The following DNAJC25 variants were observed in gnomAD, a reference collection of about 807,000 sequenced individuals.
The protein encoded by DNAJC25 is DnaJ heat shock protein family (Hsp40) member C25.
Under a neutral mutation model 42.1 loss-of-function variants are expected in DNAJC25, and 26 were observed. That is an observed-to-expected ratio of 0.62 (90% confidence interval 0.45 to 0.86). The LOEUF (loss-of-function observed/expected upper bound fraction) is 0.86. DNAJC25 is among the 40% of genes least tolerant of loss of function. The probability of loss-of-function intolerance (pLI) is 0.00; values close to 1 mark genes in which losing one functional copy is unlikely to be tolerated. For missense variants in DNAJC25, 404 were observed against 459.4 expected, an observed-to-expected ratio of 0.88 and a Z score of 1.10; for synonymous variants, 189 against 179.9, an observed-to-expected ratio of 1.05 and a Z score of -0.40.
chr9:111,631,693 A>T lies in DNAJC25; in HGVS notation c.286A>T (p.Ser96Cys). 6.6e-7 allele frequency: 1 copy of T among 1,524,920 alleles called. No individual in the cohort carries two copies. The highest frequency in any genetic ancestry group is 1.2e-5 in the South Asian group (1 of 83,888). 94.5% of individuals were successfully genotyped at this position (1,524,920 alleles called of 1,614,324 possible). ...GDEGPGRTPQ[S>C]AEEAFLLVAT... ...CGAGGGCCCCGGGCGGACGCCGCAG[A>T]GCGCCGAGGAGGCTTTCCTGCTGGT... Residue 96 changes from serine (S) to cysteine (C), a missense_variant, in exon 1 of 4, where the codon AGC (serine) becomes TGC (cysteine). Coordinates refer to ENST00000313525, the MANE Select transcript of DNAJC25 (RefSeq NM_001015882.3).
chr9:111,640,185 C>A (rs1448622268), intron 1 of DNAJC25, among the ~76,000 whole-genome samples: 2 of 151,526 alleles, frequency 1.3e-5, no homozygotes, highest in Non-Finnish European at 3.0e-5. Context: ...ACCTCGGCCT[C>A]CCGAGGTGCC....
At chr9:111,642,614 T>TAAAA (rs1564085000) in intron 1 of DNAJC25, among the ~76,000 whole-genome samples, 9 of 84,400 alleles carry the variant, frequency 1.1e-4, no homozygotes, top group East Asian at 2.5e-4. Flanking sequence ...AATAAATAAA[T>TAAAA]AAATAAATAA....
intron 1 of DNAJC25, among the ~76,000 whole-genome samples, chr9:111,644,941 G>GGTAAT (rs1443236631): frequency 6.6e-6 from 1 of 151,986 alleles, no homozygotes; most frequent in Non-Finnish European, 1.5e-5. Flanking sequence ...TCTAGGTTAG[G>GGTAAT]AGCTCTGGAA....
In DNAJC25 at chr9:111,653,232, G is replaced by T. The variant is rs769083746; in HGVS notation, c.*10G>T. Reference sequence around the variant, plus strand: ...ATTTGTGGATGACTGAAGATTGATGGAATGCTACTATGCCAAACCTTAATT... The same window carrying T: ...ATTTGTGGATGACTGAAGATTGATGTAATGCTACTATGCCAAACCTTAATT... On this transcript the variant is annotated 3_prime_UTR_variant, in exon 4 of 4. Coordinates refer to ENST00000313525, the MANE Select transcript of DNAJC25 (RefSeq NM_001015882.3). 3 of 1,557,900 alleles carry T rather than the reference G, an allele frequency of 1.9e-6. No homozygotes were observed. In the South Asian group the frequency reaches 3.7e-5, roughly 19 times the overall value.
At chr9:111,639,325 G>C (rs1340708949) in intron 1 of DNAJC25, among the ~76,000 whole-genome samples, 1 of 152,224 alleles carries the variant, frequency 6.6e-6, no homozygotes, top group African/African-American at 2.4e-5. Context: ...GATGCTGATA[G>C]TATTAACTGA....
At chr9:111,641,685 T>G (rs1463381132) in intron 1 of DNAJC25, among the ~76,000 whole-genome samples, 13 of 40,734 alleles carry the variant, frequency 3.2e-4, no homozygotes, top group Admixed American at 9.4e-4. Context: ...GGGGGGGGGG[T>G]CAGCCCCCCT....
At chr9:111,651,840 C>G (rs910005841) in intron 3 of DNAJC25, among the ~76,000 whole-genome samples, 1 of 145,450 alleles carries the variant, frequency 6.9e-6, no homozygotes, top group Non-Finnish European at 1.5e-5. Context: ...GAGTGAGACC[C>G]CATCTCAAAA....
chr9:111,643,216 C>T (rs1478630735), intron 1 of DNAJC25: 3 of 252,120 alleles, frequency 1.2e-5, no homozygotes, highest in South Asian at 1.0e-4. Flanking sequence ...GCCACCCATC[C>T]AGCCTTGCTG....
intron 1 of DNAJC25, among the ~76,000 whole-genome samples, chr9:111,639,048 T>C (rs1212522539): frequency 1.3e-5 from 2 of 152,192 alleles, no homozygotes; most frequent in African/African-American, 4.8e-5. Flanking sequence ...CATTATACCT[T>C]ACTTGTTTCC....
rs1449418724 is a variant in DNAJC25, at chr9:111,631,626, C to T, written c.219C>T (p.Ala73=). 6.7e-6 allele frequency: 10 copies of T among 1,499,572 alleles called. No individual in the cohort carries two copies. The highest frequency in any genetic ancestry group is 2.7e-5 in the East Asian group (1 of 37,170). 92.9% of individuals were successfully genotyped at this position (1,499,572 alleles called of 1,614,324 possible). The change falls in exon 1 of 4, where the codon GCC becomes GCT. Residue 73 remains alanine, a synonymous_variant. Transcript: ENST00000313525. ...AEIARAYRQL[A]RRYHPDRYRP... ...TCGCGCGGGCCTACCGCCAGCTGGC[C>T]CGGCGCTACCACCCTGACCGCTACC...
chr9:111,640,952 G>T (rs1288734226), intron 1 of DNAJC25, among the ~76,000 whole-genome samples: 8 of 98,604 alleles, frequency 8.1e-5, no homozygotes, highest in Non-Finnish European at 1.3e-4. Context: ...GAGGGAGGTG[G>T]GGGGGTCAGC....
At chr9:111,634,749 G>C (rs1173536764) in intron 1 of DNAJC25, among the ~76,000 whole-genome samples, 1 of 151,406 alleles carries the variant, frequency 6.6e-6, no homozygotes, top group Non-Finnish European at 1.5e-5. Context: ...GGTGGTGGTG[G>C]TTAAAAAATA....
chr9:111,635,974 G>C (rs183711100), intron 1 of DNAJC25, among the ~76,000 whole-genome samples: 1 of 152,232 alleles, frequency 6.6e-6, no homozygotes, highest in Non-Finnish European at 1.5e-5. Context: ...TCTTTAACTG[G>C]GACTGACATA....
At chr9:111,639,405 T>C (rs969632361) in intron 1 of DNAJC25, among the ~76,000 whole-genome samples, 59 of 152,198 alleles carry the variant, frequency 3.9e-4, no homozygotes, top group African/African-American at 1.4e-3. Flanking sequence ...TAGAAAATGT[T>C]CAGGACATAG....
chr9:111,631,360 G>A lies in DNAJC25; in HGVS notation c.-48G>A. On this transcript the variant is annotated 5_prime_UTR_variant, in exon 1 of 4. Coordinates refer to ENST00000313525, the MANE Select transcript of DNAJC25 (RefSeq NM_001015882.3). ...GACGGGACTAGCCGGGCGCGCGGCT[G>A]AGTGCTGCAGAATCGCTGGGGTGGC... 1.6e-6 allele frequency: 2 copies of A among 1,257,372 alleles called. No homozygotes were observed. The highest frequency in any genetic ancestry group is 3.2e-5 in the East Asian group (1 of 31,650). The allele number at this position is 1,257,372 out of a possible 1,614,324, so 77.9% of individuals were successfully genotyped here.
At chr9:111,637,853 T>A (rs1365593245) in intron 1 of DNAJC25, among the ~76,000 whole-genome samples, 1 of 152,280 alleles carries the variant, frequency 6.6e-6, no homozygotes, top group Non-Finnish European at 1.5e-5. Flanking sequence ...CTGTTTCTCC[T>A]GTCCTCGCCA....
intron 2 of DNAJC25, 24 bp from the exon 3 acceptor site, chr9:111,649,429 A>G (rs538717472): frequency 2.0e-6 from 3 of 1,531,346 alleles, no homozygotes; most frequent in East Asian, 4.6e-5. Flanking sequence ...AAAATGACTC[A>G]TTGTTCTCTG....
intron 1 of DNAJC25, among the ~76,000 whole-genome samples, chr9:111,635,674 G>A (rs1830352343): frequency 6.6e-6 from 1 of 152,216 alleles, no homozygotes; most frequent in South Asian, 2.1e-4. Flanking sequence ...CGTAGAATTT[G>A]ATGGCATTTT....
chr9:111,631,587 G>T lies in DNAJC25; in HGVS notation c.180G>T (p.Ala60=), dbSNP rs914287783. The change falls in exon 1 of 4, where the codon GCG becomes GCT. Residue 60 remains alanine (A), a synonymous_variant. Coordinates refer to ENST00000313525, the MANE Select transcript of DNAJC25 (RefSeq NM_001015882.3). ...AGGTGCTGGGCGTGAGCCGCTCGGCGGGCAAGGCGGAGATCGCGCGGGCCT... is the reference window on the plus strand; with the variant it reads ...AGGTGCTGGGCGTGAGCCGCTCGGCTGGCAAGGCGGAGATCGCGCGGGCCT... ...CYEVLGVSRS[A]GKAEIARAYR... is the part of the protein sequence containing the mutation. The T allele has an allele frequency of 6.2e-6, 9 of 1,462,530 alleles. No homozygotes were observed. The African/African-American group carries it at 8.9e-5, about 14-fold the overall frequency. The allele number at this position is 1,462,530 out of a possible 1,614,324, so 90.6% of individuals were successfully genotyped here.
Sources: allele counts gnomAD v4.1 joint callset (sites outside exome capture counted in the v4.1 genomes callset), GRCh38; gene constraint gnomAD v4.1.1; transcripts MANE v1.5; gene names NCBI Gene and HGNC (gene_info 2026-07-23, HGNC 2026-07-21).